Variants in MTCL3 observed in about 807,000 individuals in gnomAD.
MTCL3 encodes the protein MTCL family member 3.
chr6:127,515,463 T>G, the MTCL3 span: 4 of 1,395,778 alleles, frequency 2.9e-6, no homozygotes, highest in Non-Finnish European at 3.7e-6. This position sits in a 1 kb window ranked among gnomAD's most constrained non-coding sequence, Gnocchi z 4.3. Flanking sequence ...GCCCTAATCC[T>G]CCCAGGCCCA....
the MTCL3 span, among the ~76,000 whole-genome samples, chr6:127,478,057 T>C: frequency 6.6e-6 from 1 of 152,200 alleles, no homozygotes; most frequent in African/African-American, 2.4e-5. Context: ...AGAGAAGGAC[T>C]ACCAGAAGAG....
At chr6:127,476,363 G>T in the MTCL3 span, 4 of 1,614,218 alleles carry the variant, frequency 2.5e-6, no homozygotes, top group Non-Finnish European at 3.4e-6. This position sits in a 1 kb window ranked among gnomAD's most constrained non-coding sequence, Gnocchi z 4.4. Context: ...TGGAGCTCGT[G>T]TTCAAATCTG....
the MTCL3 span, chr6:127,515,088 T>C: frequency 6.4e-7 from 1 of 1,564,998 alleles, no homozygotes; most frequent in Non-Finnish European, 8.8e-7. The surrounding 1 kb of genome is among the most constrained non-coding windows in gnomAD (Gnocchi z 4.3). Flanking sequence ...CAAACTCGCT[T>C]CCAGCCCTTC....
At chr6:127,488,311 T>A in the MTCL3 span, among the ~76,000 whole-genome samples, 1 of 152,218 alleles carries the variant, frequency 6.6e-6, no homozygotes, top group Non-Finnish European at 1.5e-5. Flanking sequence ...CTTTGCATAT[T>A]CCTTGTCTTC....
At chr6:127,475,407 G>A in the MTCL3 span, 2 of 1,613,284 alleles carry the variant, frequency 1.2e-6, no homozygotes, top group Non-Finnish European at 1.7e-6. The surrounding 1 kb of genome is among the most constrained non-coding windows in gnomAD (Gnocchi z 7.3). Context: ...GAGCGTTGAT[G>A]CGGTAGAGCA....
chr6:127,483,987 G>A, the MTCL3 span, among the ~76,000 whole-genome samples: 2 of 152,154 alleles, frequency 1.3e-5, no homozygotes, highest in Non-Finnish European at 2.9e-5. Context: ...CAGGGGTTTT[G>A]ATTTAGTGTG....
At chr6:127,506,078 A>G in the MTCL3 span, among the ~76,000 whole-genome samples, 1 of 152,210 alleles carries the variant, frequency 6.6e-6, no homozygotes, top group Non-Finnish European at 1.5e-5. Flanking sequence ...TATTTGCTCA[A>G]GGTCATAGGG....
chr6:127,479,578 G>A, the MTCL3 span, among the ~76,000 whole-genome samples: 1 of 152,110 alleles, frequency 6.6e-6, no homozygotes, highest in African/African-American at 2.4e-5. Context: ...ACTTCACTGG[G>A]TTATATTAAG....
the MTCL3 span, among the ~76,000 whole-genome samples, chr6:127,494,662 T>TTAAC: frequency 6.6e-6 from 1 of 152,214 alleles, no homozygotes; most frequent in Non-Finnish European, 1.5e-5. Context: ...TATGATACAA[T>TTAAC]TAACTCTTTC....
chr6:127,484,732 G>A, the MTCL3 span, among the ~76,000 whole-genome samples: 1 of 152,148 alleles, frequency 6.6e-6, no homozygotes, highest in Non-Finnish European at 1.5e-5. Context: ...ATTCAACACA[G>A]TGTTATGAAA....
At chr6:127,484,605 T>C in the MTCL3 span, among the ~76,000 whole-genome samples, 1 of 152,200 alleles carries the variant, frequency 6.6e-6, no homozygotes, top group African/African-American at 2.4e-5. Flanking sequence ...TATGTGTTTA[T>C]TTAGTGACTA....
chr6:127,478,077 C>T, the MTCL3 span, among the ~76,000 whole-genome samples: 3 of 152,206 alleles, frequency 2.0e-5, no homozygotes, highest in South Asian at 2.1e-4. Flanking sequence ...GATGAGAGAG[C>T]CTTAGCAGCA....
At chr6:127,491,324 C>G in the MTCL3 span, among the ~76,000 whole-genome samples, 7 of 152,270 alleles carry the variant, frequency 4.6e-5, no homozygotes, top group Admixed American at 3.3e-4. Flanking sequence ...CACATTGTTG[C>G]CTTATTTTAG....
the MTCL3 span, among the ~76,000 whole-genome samples, chr6:127,498,459 A>C: frequency 6.6e-6 from 1 of 152,204 alleles, no homozygotes; most frequent in African/African-American, 2.4e-5. Context: ...GATAAATTAG[A>C]ATCCTCATCC....
At chr6:127,507,064 C>T in the MTCL3 span, among the ~76,000 whole-genome samples, 6 of 151,634 alleles carry the variant, frequency 4.0e-5, no homozygotes, top group South Asian at 1.0e-3. Context: ...TCAAAGAGTT[C>T]AGGGTTGGAG....
the MTCL3 span, chr6:127,475,349 C>T: frequency 2.5e-6 from 4 of 1,613,074 alleles, no homozygotes; most frequent in Non-Finnish European, 3.4e-6. This position sits in a 1 kb window ranked among gnomAD's most constrained non-coding sequence, Gnocchi z 7.3. Context: ...TTGGGCACCT[C>T]GAGGCGGTCG....
the MTCL3 span, among the ~76,000 whole-genome samples, chr6:127,492,786 C>A: frequency 2.6e-5 from 4 of 152,102 alleles, no homozygotes; most frequent in African/African-American, 9.7e-5. Flanking sequence ...CCTCCCAAAG[C>A]GCTGGGATTA....
At chr6:127,495,685 G>T in the MTCL3 span, among the ~76,000 whole-genome samples, 2 of 152,128 alleles carry the variant, frequency 1.3e-5, no homozygotes, top group African/African-American at 4.8e-5. Context: ...AAAGGTCAGA[G>T]TATTCATTAA....
At chr6:127,505,581 C>A in the MTCL3 span, among the ~76,000 whole-genome samples, 107 of 152,170 alleles carry the variant, frequency 7.0e-4, no homozygotes, top group African/African-American at 2.5e-3. Context: ...AGGCTTAATA[C>A]CTGAGTGATG....
Sources: allele counts gnomAD v4.1 joint callset (sites outside exome capture counted in the v4.1 genomes callset), GRCh38; gene constraint gnomAD v4.1.1; non-coding constraint Gnocchi (gnomAD v3.1); transcripts MANE v1.5; gene names NCBI Gene and HGNC (gene_info 2026-07-23, HGNC 2026-07-21).